TACR1: variants seen among roughly 807,000 people sequenced by gnomAD.
TACR1 encodes the protein substance-P receptor.
In TACR1, 25 loss-of-function variants were observed where a neutral mutation model predicts 35.8. The ratio of observed to expected loss-of-function variants is 0.70; its 90% confidence interval spans 0.51 to 0.98. TACR1 has a LOEUF of 0.98. TACR1 is among the 50% of genes least tolerant of loss of function. TACR1 has a pLI of 0.00. For missense variants in TACR1, 478 were observed against 522.9 expected, an observed-to-expected ratio of 0.91 and a Z score of 0.84; for synonymous variants, 195 against 206.7, an observed-to-expected ratio of 0.94 and a Z score of 0.48.
At chr2:75,080,904 A>T (rs1054108822) in intron 2 of TACR1, among the ~76,000 whole-genome samples, 1 of 152,224 alleles carries the variant, frequency 6.6e-6, no homozygotes, top group Non-Finnish European at 1.5e-5. Flanking sequence ...TGGGATGGGG[A>T]TAATTGGAAG....
intron 1 of TACR1, among the ~76,000 whole-genome samples, chr2:75,167,611 C>T (rs899747472): frequency 2.0e-5 from 3 of 152,108 alleles, no homozygotes; most frequent in Non-Finnish European, 4.4e-5. Flanking sequence ...AAAAAAATTT[C>T]ATTATCTCAC....
chr2:75,185,601 C>T (rs752568034), intron 1 of TACR1, among the ~76,000 whole-genome samples: 2 of 152,118 alleles, frequency 1.3e-5, no homozygotes, highest in Non-Finnish European at 2.9e-5. Context: ...TTAAAATATA[C>T]TCACTAGTAA....
chr2:75,077,297 A>G (rs964623757), intron 2 of TACR1, among the ~76,000 whole-genome samples: 6 of 152,186 alleles, frequency 3.9e-5, no homozygotes, highest in Non-Finnish European at 7.4e-5. Flanking sequence ...TGATGAGAAC[A>G]GAGGTTCAGA....
At chr2:75,166,097 A>T (rs1299830451) in intron 1 of TACR1, among the ~76,000 whole-genome samples, 1 of 152,224 alleles carries the variant, frequency 6.6e-6, no homozygotes, top group African/African-American at 2.4e-5. Context: ...GGTCAATCCA[A>T]AACATGCAAT....
Position 75,121,109 on chromosome 2 carries a change from AT to A in TACR1, c.390-342del, listed in dbSNP as rs1392153309. On this transcript the variant is annotated intron_variant, in intron 1 of 4. Transcript: ENST00000305249. ...TAGAAAAATAAGAACAATGTTGTAA[AT>A]TTATTCAATGTAAAGACTGACTTTC... Among the ~76,000 whole-genome samples the A allele has an allele frequency of 2.0e-4, 31 of 152,208 alleles. 1 individual carries two copies. The highest frequency in any genetic ancestry group is 4.3e-4 in the Non-Finnish European group (29 of 68,034).
At chr2:75,099,081 G>A (rs1247088633) in intron 2 of TACR1, among the ~76,000 whole-genome samples, 4 of 151,842 alleles carry the variant, frequency 2.6e-5, no homozygotes, top group Non-Finnish European at 5.9e-5. Flanking sequence ...TTTTTCACTT[G>A]CTGCTGTCAC....
chr2:75,084,740 G>A (rs1429613061), intron 2 of TACR1, among the ~76,000 whole-genome samples: 2 of 152,006 alleles, frequency 1.3e-5, no homozygotes, highest in Non-Finnish European at 2.9e-5. Flanking sequence ...ATTCTCTGAT[G>A]GTAGTTTGTA....
chr2:75,063,557 C>G (rs551954013), intron 2 of TACR1, among the ~76,000 whole-genome samples: 9 of 152,302 alleles, frequency 5.9e-5, no homozygotes, highest in African/African-American at 1.7e-4. Context: ...ATACTCTATC[C>G]TTTTCCTGAT....
chr2:75,053,885 C>G, intron 2 of TACR1, 130 bp from the exon 3 acceptor site: 1 of 1,232,018 alleles, frequency 8.1e-7, no homozygotes, highest in Non-Finnish European at 1.1e-6. Context: ...TAAGCTTGGG[C>G]TGTAAAGCCC....
At chr2:75,049,961 G>A (rs11899383) in intron 4 of TACR1, among the ~76,000 whole-genome samples, 16 of 152,244 alleles carry the variant, frequency 1.1e-4, no homozygotes, top group African/African-American at 3.9e-4. Flanking sequence ...TGTGAAATAC[G>A]TCTTTACTGG....
chr2:75,176,012 C>CAAAAA (rs34884122), intron 1 of TACR1, among the ~76,000 whole-genome samples: 11 of 109,556 alleles, frequency 1.0e-4, no homozygotes, highest in Middle Eastern at 6.1e-3. Context: ...TTGAGCTGTC[C>CAAAAA]AAAAAAAAAA....
At chr2:75,191,496 T>C (rs184789437) in intron 1 of TACR1, among the ~76,000 whole-genome samples, 76 of 152,224 alleles carry the variant, frequency 5.0e-4, no homozygotes, top group Admixed American at 4.4e-3. Flanking sequence ...ATGGTAATGA[T>C]AAGCACCTCC....
At chr2:75,144,855 CT>C (rs1674472535) in intron 1 of TACR1, among the ~76,000 whole-genome samples, 2 of 152,198 alleles carry the variant, frequency 1.3e-5, no homozygotes, top group Admixed American at 1.3e-4. Context: ...GAAAATGACA[CT>C]GATGATTTGA....
In TACR1 at chr2:75,096,768, G is replaced by A. The variant is rs143731509; in HGVS notation, c.584+23806C>T. On this transcript the variant is annotated intron_variant, in intron 2 of 4. Transcript: ENST00000305249. ...CAGTGACCTTGCCTCCCACTTCACT[G>A]AGAATATTGAGAGCTTCCAACATAG... 4.9e-4 allele frequency among the ~76,000 whole-genome samples: 74 copies of A among 152,226 alleles called. No homozygotes were observed. In the East Asian group the frequency reaches 0.014, roughly 29 times the overall value.
chr2:75,055,747 G>A (rs1672556594), intron 2 of TACR1, among the ~76,000 whole-genome samples: 1 of 152,130 alleles, frequency 6.6e-6, no homozygotes, highest in Non-Finnish European at 1.5e-5. Flanking sequence ...CTGGACCAGT[G>A]GCCCTCAAAC....
chr2:75,076,814 C>T (rs1226614221), intron 2 of TACR1, among the ~76,000 whole-genome samples: 9 of 152,066 alleles, frequency 5.9e-5, no homozygotes, highest in South Asian at 2.1e-4. Flanking sequence ...TTCGCATCTT[C>T]GGTAAGGCCT....
intron 2 of TACR1, among the ~76,000 whole-genome samples, chr2:75,091,648 C>T (rs1326078999): frequency 6.6e-6 from 1 of 152,168 alleles, no homozygotes; most frequent in African/African-American, 2.4e-5. Flanking sequence ...CTGATCTGTC[C>T]TGTGTCTTCT....
chr2:75,125,159 T>C (rs568195303), intron 1 of TACR1, among the ~76,000 whole-genome samples: 3 of 152,200 alleles, frequency 2.0e-5, no homozygotes, highest in African/African-American at 7.2e-5. Context: ...TTTTCTATTT[T>C]CTTTTCTTTT....
chr2:75,109,530 CTT>C (rs1448043657), intron 2 of TACR1, among the ~76,000 whole-genome samples: 4 of 152,156 alleles, frequency 2.6e-5, no homozygotes, highest in South Asian at 4.1e-4. Flanking sequence ...GTAAATGTCT[CTT>C]TGTGAGATAG....
Sources: allele counts gnomAD v4.1 joint callset (sites outside exome capture counted in the v4.1 genomes callset), GRCh38; gene constraint gnomAD v4.1.1; transcripts MANE v1.5; gene names NCBI Gene and HGNC (gene_info 2026-07-23, HGNC 2026-07-21).